Variants in ANKRD36C observed in about 807,000 individuals in gnomAD.
The protein encoded by ANKRD36C is ankyrin repeat domain 36C.
Under a neutral mutation model 276.4 loss-of-function variants are expected in ANKRD36C, and 61 were observed. The observed-to-expected ratio is 0.22, with a 90% CI of 0.18 to 0.27. The LOEUF (loss-of-function observed/expected upper bound fraction) is 0.27, where lower values mean the gene tolerates loss of function less well. ANKRD36C is among the 10% of genes least tolerant of loss of function. The probability of loss-of-function intolerance (pLI) is 1.00; values close to 1 mark genes in which losing one functional copy is unlikely to be tolerated. For missense variants in ANKRD36C, 1,447 were observed against 2,032.3 expected, an observed-to-expected ratio of 0.71 and a Z score of 5.54; for synonymous variants, 483 against 680.1, an observed-to-expected ratio of 0.71 and a Z score of 4.51.
exon 40 of ANKRD36C, chr2:95,914,168 C>T (rs765495048): frequency 2.5e-5 from 40 of 1,584,438 alleles, no homozygotes; most frequent in East Asian, 4.6e-5. Context: ...GAATCTTCCT[C>T]GTCACTTGTA....
chr2:95,890,751 T>G (rs529986171), intron 46 of ANKRD36C, among the ~76,000 whole-genome samples: 1 of 151,656 alleles, frequency 6.6e-6, no homozygotes, highest in African/African-American at 2.4e-5. Flanking sequence ...TATTAATCAG[T>G]TTTTCATTCA....
At chr2:95,923,313 C>T (rs1467040447) in intron 32 of ANKRD36C, among the ~76,000 whole-genome samples, 182 bp downstream of exon 32, 5 of 151,514 alleles carry the variant, frequency 3.3e-5, no homozygotes, top group Admixed American at 1.3e-4. Context: ...AATCTTACCG[C>T]GAAGATCATG....
intron 30 of ANKRD36C, among the ~76,000 whole-genome samples, chr2:95,923,970 G>C (rs576512780): frequency 4.6e-5 from 7 of 151,776 alleles, no homozygotes; most frequent in Admixed American, 3.9e-4. Context: ...CGAATGATGA[G>C]GACAAATGTG....
intron 52 of ANKRD36C, among the ~76,000 whole-genome samples, chr2:95,885,643 A>G (rs900253924): frequency 1.9e-4 from 29 of 151,876 alleles, no homozygotes; most frequent in African/African-American, 6.5e-4. Context: ...TTCTCATTCT[A>G]CGCTGTTTTT....
intron 6 of ANKRD36C, among the ~76,000 whole-genome samples, chr2:95,962,965 C>T (rs1472693173): frequency 6.6e-6 from 1 of 152,036 alleles, no homozygotes; most frequent in African/African-American, 2.4e-5. Flanking sequence ...ATACTACAAC[C>T]ATTCATCATG....
chr2:95,947,357 T>C (rs1368180157), intron 17 of ANKRD36C, among the ~76,000 whole-genome samples: 1 of 152,186 alleles, frequency 6.6e-6, no homozygotes, highest in African/African-American at 2.4e-5. Flanking sequence ...AGGCATATTA[T>C]GTTACCTGTA....
At chr2:95,984,428 G>A (rs1334172423) in intron 3 of ANKRD36C, among the ~76,000 whole-genome samples, 1 of 152,220 alleles carries the variant, frequency 6.6e-6, no homozygotes, top group Non-Finnish European at 1.5e-5. Context: ...AACTTTCCAT[G>A]TTGAGACAAT....
intron 12 of ANKRD36C, among the ~76,000 whole-genome samples, chr2:95,957,669 G>C (rs550558294): frequency 1.5e-3 from 233 of 152,186 alleles, no homozygotes; most frequent in East Asian, 3.7e-3. Context: ...TCTGAATAAG[G>C]TTGTCCATTT....
At chr2:95,894,877 T>G (rs1573747781) in intron 44 of ANKRD36C, among the ~76,000 whole-genome samples, 1 of 151,102 alleles carries the variant, frequency 6.6e-6, no homozygotes, top group Admixed American at 6.6e-5. Context: ...TCACTCAGGT[T>G]TCCTCAGCAG....
At chr2:95,908,597 T>A (rs1171501229) in intron 42 of ANKRD36C, 23 bp from the exon 48 acceptor site, 1 of 1,562,686 alleles carries the variant, frequency 6.4e-7, no homozygotes, top group East Asian at 2.3e-5. Flanking sequence ...TGAAATGCAA[T>A]AATAAATTAA....
At chr2:95,887,092 A>G (rs1676219495) in intron 50 of ANKRD36C, among the ~76,000 whole-genome samples, 1 of 151,380 alleles carries the variant, frequency 6.6e-6, no homozygotes, top group African/African-American at 2.4e-5. Flanking sequence ...TGTTTCTAAA[A>G]TAGTCTTGTT....
At chr2:95,942,358 T>C (rs2918895) in intron 19 of ANKRD36C, among the ~76,000 whole-genome samples, 4 of 152,306 alleles carry the variant, frequency 2.6e-5, no homozygotes, top group Non-Finnish European at 2.9e-5. Context: ...TGTATGCAGA[T>C]ATTTATTTCT....
chr2:95,913,488 T>C (rs560300790), intron 40 of ANKRD36C, among the ~76,000 whole-genome samples: 1 of 151,532 alleles, frequency 6.6e-6, no homozygotes, highest in South Asian at 2.1e-4. Context: ...TGTATTCCAA[T>C]TATACCATTG....
intron 38 of ANKRD36C, 77 bp from the exon 41 acceptor site, chr2:95,914,380 A>G (rs901696899): frequency 6.7e-7 from 1 of 1,501,466 alleles, no homozygotes; most frequent in Non-Finnish European, 9.1e-7. Context: ...CAGTGTTAGC[A>G]TCAACCTCTG....
chr2:95,885,937 C>T, intron 52 of ANKRD36C, 111 bp downstream of exon 72: 1 of 1,542,362 alleles, frequency 6.5e-7, no homozygotes, highest in South Asian at 1.2e-5. Flanking sequence ...GAATCTCAAG[C>T]ATGCTGAATC....
At chr2:95,988,279 A>C (rs1293895699) in intron 1 of ANKRD36C, among the ~76,000 whole-genome samples, 1 of 152,134 alleles carries the variant, frequency 6.6e-6, no homozygotes, top group Non-Finnish European at 1.5e-5. Context: ...TACTTACAGA[A>C]TGTTATGTAA....
chr2:95,951,489 T>G lies in ANKRD36C; in HGVS notation c.1204-81A>C, dbSNP rs1371516466. ...TAATACCCACCATTACTACGTGATC[T>G]AACAGGAAAAGTATGGACATTGAAA... On this transcript the variant is annotated intron_variant, in intron 14 of 66. Coordinates refer to ENST00000456556, the Ensembl canonical transcript of ANKRD36C. 4.7e-6 allele frequency: 5 copies of G among 1,074,184 alleles called. No homozygotes were observed. The African/African-American group carries it at 8.0e-5, about 17-fold the overall frequency. The allele number at this position is 1,074,184 out of a possible 1,614,324, so 66.5% of individuals were successfully genotyped here.
At chr2:95,862,286 A>C (rs1675604797) in intron 60 of ANKRD36C, among the ~76,000 whole-genome samples, 1 of 151,760 alleles carries the variant, frequency 6.6e-6, no homozygotes, top group Admixed American at 6.6e-5. Context: ...CCATACAACA[A>C]CTCTCAAAGG....
chr2:95,883,004 A>G (rs544361849), intron 54 of ANKRD36C, among the ~76,000 whole-genome samples: 117 of 152,152 alleles, frequency 7.7e-4, no homozygotes, highest in Non-Finnish European at 1.5e-3. Context: ...ACAAGTCCTC[A>G]GTGGAAGTGT....
Sources: allele counts gnomAD v4.1 joint callset (sites outside exome capture counted in the v4.1 genomes callset), GRCh38; gene constraint gnomAD v4.1.1; transcripts MANE v1.5; gene names NCBI Gene and HGNC (gene_info 2026-07-23, HGNC 2026-07-21).